Variants in PMPCA observed in about 807,000 individuals in gnomAD.
PMPCA encodes the protein peptidase, mitochondrial processing subunit alpha.
A neutral mutation model predicts 59.3 loss-of-function variants in PMPCA; 47 were observed. The ratio of observed to expected loss-of-function variants is 0.79; its 90% CI spans 0.63 to 1.01. The LOEUF (loss-of-function observed/expected upper bound fraction) is 1.01. Among genes scored for constraint, PMPCA ranks in the 50% least tolerant of loss-of-function variants. The pLI is 0.00. For missense variants in PMPCA, 726 were observed against 704.5 expected (o/e 1.03, Z -0.34); for synonymous variants, 338 against 290.3 (o/e 1.16, Z -1.67).
At chr9:136,413,040 G>C in intron 4 of PMPCA, 148 bp downstream of exon 4, 1 of 642,836 alleles carries the variant, frequency 1.6e-6, no homozygotes, top group Non-Finnish European at 2.8e-6. Flanking sequence ...GACTTGGGTG[G>C]ATGGCGCTTA....
intron 4 of PMPCA, among the ~76,000 whole-genome samples, chr9:136,414,071 C>G (rs1835206391): frequency 1.3e-5 from 2 of 152,250 alleles, no homozygotes; most frequent in Non-Finnish European, 2.9e-5. Flanking sequence ...ACGAGCCAGC[C>G]ATTGCTGTCC....
At chr9:136,420,825 C>T (rs1230078040) in intron 11 of PMPCA, 2 of 152,130 alleles carry the variant, frequency 1.3e-5, no homozygotes, top group South Asian at 2.1e-4. Context: ...GGTCCGGTGG[C>T]TTATGCCTGT....
intron 11 of PMPCA, chr9:136,420,666 C>G (rs141392815): frequency 2.6e-5 from 4 of 152,204 alleles, no homozygotes; most frequent in African/African-American, 9.7e-5. Flanking sequence ...TAAATTAATA[C>G]GCTTCAGTTC....
At chr9:136,416,852 T>A in intron 6 of PMPCA, 99 bp from the exon 7 acceptor site, 1 of 1,176,458 alleles carries the variant, frequency 8.5e-7, no homozygotes. Context: ...GCGTCGGATT[T>A]TCCCAGGGCT....
At chr9:136,422,742 A>T in intron 12 of PMPCA, 2 of 1,084,718 alleles carry the variant, frequency 1.8e-6, no homozygotes, top group Non-Finnish European at 1.1e-6. Flanking sequence ...CTCTCACCCC[A>T]CCCTTCTGTC....
chr9:136,418,051 C>T lies in PMPCA; in HGVS notation c.932C>T (p.Pro311Leu), dbSNP rs781266438. Residue 311 changes from proline (P) to leucine (L), a missense_variant, in exon 8 of 13, where the codon CCG becomes CTG. Transcript: ENST00000371717. ...GACATGTCCAATGTCAGCCTGGGCCCGACCCCCATCCCCGAGCTCACGCAC... is the reference window on the plus strand; with the variant it reads ...GACATGTCCAATGTCAGCCTGGGCCTGACCCCCATCCCCGAGCTCACGCAC... ...ERDMSNVSLG[P>L]TPIPELTHIM... 23 of 1,613,700 alleles carry T rather than the reference C, an allele frequency of 1.4e-5. No individual in the cohort carries two copies. Among genetic ancestry groups the T allele is most frequent in the Middle Eastern group, 1.6e-4 (1 of 6,084 alleles).
chr9:136,415,815 T>C (rs1835258009), intron 5 of PMPCA, among the ~76,000 whole-genome samples: 1 of 152,162 alleles, frequency 6.6e-6, no homozygotes, highest in South Asian at 2.1e-4. Flanking sequence ...GTATTTTTAG[T>C]AGAGATGGGG....
At chr9:136,412,428 C>G (rs1200596648) in intron 2 of PMPCA, 62 bp from the exon 3 acceptor site, 1 of 877,780 alleles carries the variant, frequency 1.1e-6, no homozygotes, top group Non-Finnish European at 1.9e-6. Context: ...TAAAATGTTT[C>G]TCTTGATTAA....
At position 136,417,230 on chromosome 9, in the gene PMPCA, C is replaced by T. The variant is rs765555856; in HGVS notation, c.897+16C>T. ...GATTGCCAAGGTGAAGTAGCGGGAA[C>T]GTCTCATGGCCTCGGGTGGGGAACA... On this transcript the variant is annotated intron_variant, in intron 7 of 12. Coordinates refer to ENST00000371717, the MANE Select transcript of PMPCA (RefSeq NM_015160.3). 1.7e-4 allele frequency: 269 copies of T among 1,551,418 alleles called. No individual in the cohort carries two copies. The highest frequency in any genetic ancestry group is 2.2e-4 in the Non-Finnish European group (250 of 1,144,584).
intron 5 of PMPCA, among the ~76,000 whole-genome samples, chr9:136,415,203 C>T (rs1193298995): frequency 6.6e-6 from 1 of 152,038 alleles, no homozygotes; most frequent in Non-Finnish European, 1.5e-5. Context: ...CCCAGGAGTT[C>T]GAGACCAGTC....
chr9:136,412,628 TC>T (rs1835166840), intron 3 of PMPCA, 59 bp downstream of exon 3: 3 of 930,902 alleles, frequency 3.2e-6, no homozygotes, highest in Non-Finnish European at 5.2e-6. Flanking sequence ...TTGAGATTTT[TC>T]TTGTCTATAA....
chr9:136,421,676 A>T (rs1383466355), intron 11 of PMPCA, among the ~76,000 whole-genome samples, 156 bp from the exon 12 acceptor site: 1 of 151,978 alleles, frequency 6.6e-6, no homozygotes, highest in Non-Finnish European at 1.5e-5. Context: ...CCTCCCAAAG[A>T]GCTGGGATTA....
rs752932999 is a variant in PMPCA at position 136,412,568 on chromosome 9, C to T, written c.353C>T (p.Ser118Leu). The change falls in exon 3 of 13, where the codon TCG becomes TTG. Residue 118 changes from serine to leucine, a missense_variant and splice_region_variant. Ser to Leu is a moderately radical substitution (Grantham distance 145, BLOSUM62 -2). Coordinates refer to ENST00000371717, the MANE Select transcript of PMPCA (RefSeq NM_015160.3). ...IAHFLEKLAFSSTARFDSKDE... is the reference protein window; with the variant it reads ...IAHFLEKLAFLSTARFDSKDE... ...CACTTTTTGGAAAAATTGGCATTTT[C>T]GGTCAGTACCCAGTTTTGTAATTTT... is the stretch of plus-strand genomic sequence containing the variant. 5.9e-6 allele frequency: 9 copies of T among 1,531,732 alleles called. No individual in the cohort carries two copies. The Admixed American group carries it at 6.8e-5, about 11-fold the overall frequency. 94.9% of individuals were successfully genotyped at this position (1,531,732 alleles called of 1,614,324 possible).
Position 136,418,596 on chromosome 9 carries a change from G to T in PMPCA, c.1032G>T (p.Met344Ile), listed in dbSNP as rs891374835. ...CCTTTGCAGTGTTGAACATGATGAT[G>T]GGCGGAGGTGGCTCCTTCTCGGCTG... ...FIPFAVLNMM[M>I]GGGGSFSAGG... is the part of the protein sequence containing the mutation. The change falls in exon 9 of 13, where the codon ATG becomes ATT. Residue 344 changes from methionine (M) to isoleucine (I), a missense_variant. Met to Ile is a conservative substitution (Grantham distance 10). Transcript: ENST00000371717. 1.2e-6 allele frequency: 2 copies of T among 1,613,874 alleles called. No homozygotes were observed. Among genetic ancestry groups the T allele is most frequent in the Admixed American group, 1.7e-5 (1 of 60,032 alleles).
chr9:136,416,335 G>A lies in PMPCA; in HGVS notation c.577G>A (p.Glu193Lys). ...GCGGATGGCGGTCCAGTTTGAGCTG[G>A]AGGACCTGAACCTGCGGCCTGACCC... Reference protein sequence around the residue: ...MTRMAVQFELEDLNLRPDPEP... With the variant: ...MTRMAVQFELKDLNLRPDPEP... Residue 193 changes from glutamate (E) to lysine (K), a missense_variant, in exon 6 of 13, where the codon GAG (glutamate) becomes AAG (lysine). By Grantham distance (56) the Glu-to-Lys change is moderately conservative. Transcript: ENST00000371717. 3 of 1,614,008 alleles carry A rather than the reference G, an allele frequency of 1.9e-6. No homozygotes were observed. Among genetic ancestry groups the A allele is most frequent in the East Asian group, 2.2e-5 (1 of 44,884 alleles).
Position 136,412,623 on chromosome 9 carries a change from A to G in PMPCA, c.354+54A>G, listed in dbSNP as rs1835166672. On this transcript the variant is annotated intron_variant, in intron 3 of 12. Coordinates refer to ENST00000371717, the MANE Select transcript of PMPCA (RefSeq NM_015160.3). ...ACTATACTTTTGAAGGATGTTTGAG[A>G]TTTTTCTTGTCTATAATGGTTATTT... The G allele has an allele frequency of 3.1e-6, 3 of 957,428 alleles. No individual in the cohort carries two copies. In the Admixed American group the frequency reaches 6.0e-5, roughly 19 times the overall value. The allele number at this position is 957,428 out of a possible 1,614,324, so 59.3% of individuals were successfully genotyped here.
chr9:136,418,975 C>G, intron 10 of PMPCA, 57 bp downstream of exon 10: 1 of 1,601,480 alleles, frequency 6.2e-7, no homozygotes, highest in South Asian at 1.1e-5. Flanking sequence ...ACCTGGGCGT[C>G]CCTGCCTAGA....
chr9:136,414,625 GGT>G lies in PMPCA; in HGVS notation c.511_512del (p.Val171SerfsTer8). 1 of 1,611,964 alleles carries G rather than the reference GGT, an allele frequency of 6.2e-7. No individual in the cohort carries two copies. The highest frequency in any genetic ancestry group is 1.1e-5 in the South Asian group (1 of 91,036). On this transcript the variant is annotated frameshift_variant, in exon 5 of 13. Coordinates refer to ENST00000371717, the MANE Select transcript of PMPCA (RefSeq NM_015160.3). LOFTEE classifies it high-confidence loss of function. ...CGGTGGTTGCCTTACTGGCTGATGT[GGT>G]TCTGCAGCCCCGGCTAACAGGTGTG... ...DTVVALLADVVLQPRLTDEEV... is the reference protein window; with the variant it reads ...DTVVALLADVXLQPRLTDEEV...
chr9:136,418,987 G>A lies in PMPCA; in HGVS notation c.1201-57G>A, dbSNP rs549201281. On this transcript the variant is annotated intron_variant, in intron 10 of 12. Coordinates refer to ENST00000371717, the MANE Select transcript of PMPCA (RefSeq NM_015160.3). Reference sequence around the variant, plus strand: ...CAGACCTGGGCGTCCCTGCCTAGACGGGTCAGTAGGCCGGCAGGCGCAGGC... The same window carrying A: ...CAGACCTGGGCGTCCCTGCCTAGACAGGTCAGTAGGCCGGCAGGCGCAGGC... 5.0e-6 allele frequency: 8 copies of A among 1,598,522 alleles called. No individual in the cohort carries two copies. In the East Asian group the frequency reaches 6.7e-5, roughly 13 times the overall value.
Sources: gnomAD v4.1 joint callset for allele counts (sites outside exome capture counted in the v4.1 genomes callset) on GRCh38, gnomAD v4.1.1 for gene constraint, MANE v1.5 for transcripts, NCBI Gene and HGNC (gene_info 2026-07-23, HGNC 2026-07-21) for gene names.